The following COL1A2 variants were observed in gnomAD, a reference collection of about 807,000 sequenced individuals.
The protein encoded by COL1A2 is collagen type I alpha 2 chain.
Under a neutral mutation model 174.3 loss-of-function variants are expected in COL1A2, and 49 were observed. The ratio of observed to expected loss-of-function variants is 0.28; its 90% CI spans 0.22 to 0.36. The LOEUF (loss-of-function observed/expected upper bound fraction) is 0.36, where lower values mean the gene tolerates loss of function less well. Ranked by LOEUF, COL1A2 falls within the 10% of genes least tolerant of loss-of-function variation. The pLI is 1.00. For synonymous variants in COL1A2, 655 were observed against 606.6 expected (o/e 1.08, Z -1.17); for missense variants, 1,438 against 1,822.7 (o/e 0.79, Z 3.84).
Position 94,409,782 on chromosome 7 carries a change from T to G in COL1A2, c.996T>G (p.Pro332=), listed in dbSNP as rs1450092148. 6.2e-7 allele frequency: 1 copy of G among 1,614,066 alleles called. No individual in the cohort carries two copies. ...GLPGPRGIPG[P]VGAAGATGAR... is the part of the protein sequence containing the mutation. Reference sequence around the variant, plus strand: ...CTGGACCCCGCGGTATTCCTGGCCCTGTTGGTGCTGCCGGTGCTACTGGTG... The same window carrying G: ...CTGGACCCCGCGGTATTCCTGGCCCGGTTGGTGCTGCCGGTGCTACTGGTG... Residue 332 remains proline (P), a synonymous_variant, in exon 19 of 52, where the codon CCT becomes CCG. Coordinates refer to ENST00000297268, the MANE Select transcript of COL1A2 (RefSeq NM_000089.4).
At chr7:94,420,712 A>G in intron 37 of COL1A2, 64 bp downstream of exon 37, 2 of 1,398,078 alleles carry the variant, frequency 1.4e-6, no homozygotes, top group Non-Finnish European at 2.0e-6. Context: ...TTAAATATAT[A>G]TCCGTCAAGT....
In COL1A2 at chr7:94,430,223, ATC is replaced by A. The variant is rs757448250; in HGVS notation, c.3955-22_3955-21del. Reference sequence around the variant, plus strand: ...ATTCAGAAATAGTGATGCTTTGTGTATCTATTTTCTTCTCTTTAAACAGAAAA... The same window carrying A: ...ATTCAGAAATAGTGATGCTTTGTGTATATTTTCTTCTCTTTAAACAGAAAA... On this transcript the variant is annotated intron_variant, in intron 51 of 51. Transcript: ENST00000297268. The A allele has an allele frequency of 5.0e-6, 8 of 1,606,354 alleles. 1 individual carries two copies. The South Asian group carries it at 8.8e-5, about 18-fold the overall frequency.
rs558092603 is a variant in COL1A2, at chr7:94,423,569, C to CTTTTTGTTTTTGTTTTTTG, written c.2565+470_2565+488dup. 3.5e-3 allele frequency: 599 copies of CTTTTTGTTTTTGTTTTTTG among 170,300 alleles called. 2 individuals are homozygous for CTTTTTGTTTTTGTTTTTTG. Among genetic ancestry groups the CTTTTTGTTTTTGTTTTTTG allele is most frequent in the African/African-American group, 0.014 (566 of 41,622 alleles). The allele number at this position is 170,300 out of a possible 1,614,324, so 10.5% of individuals were successfully genotyped here. A position where few individuals can be genotyped will look rare whatever the true frequency, so the allele number is the denominator to read the frequency against. On this transcript the variant is annotated intron_variant, in intron 40 of 51. Transcript: ENST00000297268. Reference sequence around the variant, plus strand: ...TTGATATACTGATTTTACTGATTTCCTTTTTGTTTTTGTTTTTTGTTTTTG... The same window carrying CTTTTTGTTTTTGTTTTTTG: ...TTGATATACTGATTTTACTGATTTCCTTTTTGTTTTTGTTTTTTGTTTTTGTTTTTGTTTTTTGTTTTTG...
chr7:94,424,782 G>A (rs927302685), intron 41 of COL1A2: 11 of 458,830 alleles, frequency 2.4e-5, no homozygotes, highest in Admixed American at 6.9e-5. Context: ...GTTCTGAATC[G>A]TTCCATTAAA....
chr7:94,427,171 G>C lies in COL1A2; in HGVS notation c.3160-17G>C. On this transcript the variant is annotated splice_polypyrimidine_tract_variant and intron_variant, in intron 47 of 51. Coordinates refer to ENST00000297268, the MANE Select transcript of COL1A2 (RefSeq NM_000089.4). ...GGATTCACCAGCTCACATGTACCTG[G>C]TGTCTGTCTTCCTTAGGGCCCTGCT... The C allele has an allele frequency of 6.2e-7, 1 of 1,613,294 alleles. No homozygotes were observed. The highest frequency in any genetic ancestry group is 8.5e-7 in the Non-Finnish European group (1 of 1,179,378).
At chr7:94,422,835 T>C in intron 39 of COL1A2, 122 bp from the exon 40 acceptor site, 1 of 1,173,530 alleles carries the variant, frequency 8.5e-7, no homozygotes, top group Non-Finnish European at 1.3e-6. Context: ...TTCCCCCAAA[T>C]GGCCAGGGTA....
intron 40 of COL1A2, chr7:94,423,953 T>C (rs1363525259): frequency 1.6e-5 from 4 of 248,690 alleles, no homozygotes; most frequent in Middle Eastern, 1.5e-3. Flanking sequence ...TTATGGTAGT[T>C]CTATTTTTAG....
intron 16 of COL1A2, 145 bp from the exon 17 acceptor site, chr7:94,409,177 C>T (rs1791864544): frequency 4.6e-6 from 4 of 865,188 alleles, no homozygotes; most frequent in Non-Finnish European, 7.7e-6. Flanking sequence ...GGAAACCAAA[C>T]TCAAATCTTG....
At position 94,421,659 on chromosome 7, in the gene COL1A2, C is replaced by G. The variant is rs181430555; in HGVS notation, c.2350-240C>G. On this transcript the variant is annotated intron_variant, in intron 38 of 51. Coordinates refer to ENST00000297268, the MANE Select transcript of COL1A2 (RefSeq NM_000089.4). The stretch of plus-strand genomic sequence containing the variant: ...ATGTCAGCATTTCAGAAAGGACCAT[C>G]CAAACCTTAACGCAAAATATGGGCA... Among the ~76,000 whole-genome samples, 40 of 152,260 alleles carry G rather than the reference C, an allele frequency of 2.6e-4. No individual in the cohort carries two copies. The East Asian group carries it at 2.9e-3, about 11-fold the overall frequency.
rs142170936 is a variant in COL1A2 at position 94,409,561 on chromosome 7, T to C, written c.892-3T>C. ...TATCCTTCTCCTTTCCTTTTCCTCA[T>C]AGGGTAATCCTGGAGCAAACGGCCT... On this transcript the variant is annotated splice_polypyrimidine_tract_variant and splice_region_variant and intron_variant, in intron 17 of 51. Transcript: ENST00000297268. The C allele has an allele frequency of 4.3e-6, 7 of 1,614,228 alleles. No homozygotes were observed. The highest frequency in any genetic ancestry group is 4.2e-6 in the Non-Finnish European group (5 of 1,180,040).
In COL1A2 at chr7:94,409,781, C is replaced by T; in HGVS notation, c.995C>T (p.Pro332Leu). The stretch of plus-strand genomic sequence containing the variant: ...CCTGGACCCCGCGGTATTCCTGGCC[C>T]TGTTGGTGCTGCCGGTGCTACTGGT... ...GLPGPRGIPG[P>L]VGAAGATGAR... Residue 332 changes from proline to leucine, a missense_variant, in exon 19 of 52, where the codon CCT (proline) becomes CTT (leucine). Physicochemically the swap from Pro to Leu is moderately conservative, Grantham distance 98. This residue lies in a region of COL1A2 where 867 missense variants were observed against 1,213.7 expected (regional missense o/e 0.71). Transcript: ENST00000297268. The T allele has an allele frequency of 6.2e-7, 1 of 1,614,140 alleles. No homozygotes were observed. Among genetic ancestry groups the T allele is most frequent in the Non-Finnish European group, 8.5e-7 (1 of 1,180,028 alleles).
At chr7:94,429,127 T>A (rs1792346915) in intron 50 of COL1A2, 61 bp from the exon 51 acceptor site, 6 of 1,280,502 alleles carry the variant, frequency 4.7e-6, no homozygotes, top group East Asian at 4.8e-5. Context: ...TTTTTTCATG[T>A]TTGACTCTTA....
In COL1A2 at chr7:94,426,458, C is replaced by G; in HGVS notation, c.3033C>G (p.Pro1011=). 6.2e-7 allele frequency: 1 copy of G among 1,606,306 alleles called. No individual in the cohort carries two copies. The highest frequency in any genetic ancestry group is 8.5e-7 in the Non-Finnish European group (1 of 1,176,860). The change falls in exon 46 of 52, where the codon CCC becomes CCG. Residue 1011 remains proline, a synonymous_variant. Coordinates refer to ENST00000297268, the MANE Select transcript of COL1A2 (RefSeq NM_000089.4). ...GCATTCGTGGCGATAAGGGAGAGCC[C>G]GGTGAAAAGGGGCCCAGAGGTCTTC... ...PQGIRGDKGE[P]GEKGPRGLPG...
chr7:94,420,682 C>G (rs1040088980), intron 37 of COL1A2, 34 bp downstream of exon 37: 10 of 1,532,530 alleles, frequency 6.5e-6, no homozygotes, highest in Non-Finnish European at 8.0e-6. Context: ...CACACAGCAG[C>G]TACCCATTAG....
intron 42 of COL1A2, 105 bp downstream of exon 42, chr7:94,425,329 T>C (rs138346703): frequency 6.3e-6 from 7 of 1,117,438 alleles, no homozygotes; most frequent in East Asian, 2.5e-5. Context: ...CTGAACAAGA[T>C]GGTCAGCTTC....
chr7:94,405,157 T>C (rs1210150419), intron 9 of COL1A2, 42 bp from the exon 10 acceptor site: 2 of 1,607,578 alleles, frequency 1.2e-6, no homozygotes, highest in East Asian at 2.2e-5. Context: ...TGTCTGATAG[T>C]TTACCAAGAA....
Position 94,427,955 on chromosome 7 carries a change from A to T in COL1A2, c.3526+70A>T, listed in dbSNP as rs906419744. 7.2e-6 allele frequency: 11 copies of T among 1,517,760 alleles called. No homozygotes were observed. In the African/African-American group the frequency reaches 1.5e-4, roughly 21 times the overall value. 94.0% of individuals were successfully genotyped at this position (1,517,760 alleles called of 1,614,324 possible). On this transcript the variant is annotated intron_variant, in intron 49 of 51. Transcript: ENST00000297268. ...AGCTTTTCAAAATTAGTTTCCATTG[A>T]CATTTAGAGTGAAAATGCATTTGGG...
At chr7:94,405,808 A>C in intron 11 of COL1A2, 82 bp downstream of exon 11, 1 of 1,058,818 alleles carries the variant, frequency 9.4e-7, no homozygotes, top group Non-Finnish European at 1.5e-6. Context: ...ATCTTGGGTG[A>C]CATATACTCA....
intron 24 of COL1A2, 63 bp from the exon 25 acceptor site, chr7:94,412,521 C>G: frequency 1.6e-6 from 2 of 1,273,770 alleles, no homozygotes; most frequent in African/African-American, 1.5e-5. Flanking sequence ...GTGGCAGCAT[C>G]ATAAGCTTGA....
Sources: gnomAD v4.1 joint callset for allele counts (sites outside exome capture counted in the v4.1 genomes callset) on GRCh38, gnomAD v4.1.1 for gene constraint, gnomAD v4.1.1 regional missense constraint, MANE v1.5 for transcripts, NCBI Gene and HGNC (gene_info 2026-07-23, HGNC 2026-07-21) for gene names.